ARVCF: variants seen among roughly 807,000 people sequenced by gnomAD.
ARVCF encodes the protein splicing regulator ARVCF.
In ARVCF, 66 loss-of-function variants were observed where a neutral mutation model predicts 90.9. That is an observed-to-expected ratio of 0.73 (90% CI 0.60 to 0.89). The LOEUF is 0.89. ARVCF is among the 40% of genes least tolerant of loss of function. The pLI, the probability that ARVCF is intolerant of heterozygous loss-of-function variation, is 0.00. For synonymous variants in ARVCF, 653 were observed against 603.4 expected (o/e 1.08, Z -1.21); for missense variants, 1,469 against 1,382.3 (o/e 1.06, Z -1.00).
At chr22:19,969,728 T>C (rs60537793), downstream of ARVCF, 2,470 of 642,944 alleles carry the variant, frequency 3.8e-3, 58 homozygotes, top group African/African-American at 0.044. Flanking sequence ...TGAGCCCAAG[T>C]GGACAAGTTT....
chr22:20,005,557 C>T (rs925521056), intron 2 of ARVCF, among the ~76,000 whole-genome samples: 1 of 152,166 alleles, frequency 6.6e-6, no homozygotes, highest in African/African-American at 2.4e-5. Context: ...TGGTGGCTCA[C>T]GCCTGTAATC....
At chr22:19,996,856 G>A (rs1944272221) in intron 2 of ARVCF, among the ~76,000 whole-genome samples, 1 of 152,220 alleles carries the variant, frequency 6.6e-6, no homozygotes, top group African/African-American at 2.4e-5. Flanking sequence ...GATTTCCCCA[G>A]CAGAGGCAAT....
intron 17 of ARVCF, 43 bp downstream of exon 17, chr22:19,972,315 C>A (rs555041511): frequency 6.2e-7 from 1 of 1,613,216 alleles, no homozygotes. Context: ...GGCCTTGGTC[C>A]CCTCCCGGCA....
downstream of ARVCF, chr22:19,968,451 T>C: frequency 7.4e-7 from 1 of 1,346,796 alleles, no homozygotes; most frequent in Non-Finnish European, 1.0e-6. Flanking sequence ...TGCCGTGGCC[T>C]AGTGAGGAGC....
At position 19,981,269 on chromosome 22, in the gene ARVCF, G is replaced by T. The variant is rs368570186; in HGVS notation, c.838C>A (p.Pro280Thr). 6.4e-7 allele frequency: 1 copy of T among 1,570,476 alleles called. No homozygotes were observed. The highest frequency in any genetic ancestry group is 1.2e-5 in the South Asian group (1 of 85,552). ...ADDEGGPELEPDYGTATRRRP... is the reference protein window; with the variant it reads ...ADDEGGPELETDYGTATRRRP... ...CTCCTTGTGGCCGTGCCATAGTCAG[G>T]CTCCAGCTCAGGGCCACCCTCGTCA... The change falls in exon 5 of 20, where the codon CCT (proline) becomes ACT (threonine). Residue 280 changes from proline (P) to threonine (T), a missense_variant. Transcript: ENST00000263207.
rs368802525 is a variant in ARVCF, at chr22:19,971,282, C to G, written c.2835G>C (p.Arg945Ser). The G allele has an allele frequency of 6.4e-7, 1 of 1,557,202 alleles. No homozygotes were observed. The highest frequency in any genetic ancestry group is 1.4e-5 in the African/African-American group (1 of 73,618). The change falls in exon 19 of 20, where the codon AGG (arginine) becomes AGC (serine). Residue 945 changes from arginine (R) to serine (S), a missense_variant. Transcript: ENST00000263207. Reference protein sequence around the residue: ...PPPGPSRPAVRLVDAVGDAKP... With the variant: ...PPPGPSRPAVSLVDAVGDAKP... ...TAGCGTCCCCTACGGCGTCCACCAG[C>G]CTGACCGCGGGCCTGCTGGGCCCGG...
chr22:19,985,118 C>T (rs1943696785), intron 3 of ARVCF, among the ~76,000 whole-genome samples: 1 of 152,196 alleles, frequency 6.6e-6, no homozygotes, highest in Non-Finnish European at 1.5e-5. Flanking sequence ...CAACTCTGGG[C>T]TGCTCCCCTC....
chr22:19,974,380 A>G lies in ARVCF; in HGVS notation c.1961-141T>C, dbSNP rs904485080. On this transcript the variant is annotated intron_variant, in intron 11 of 19. Coordinates refer to ENST00000263207, the MANE Select transcript of ARVCF (RefSeq NM_001670.3). ...GGTGTGGATGAGTCACGTAATATTT[A>G]CTATCAACATATAGTCACCCAAGGG... The G allele has an allele frequency of 1.9e-5, 20 of 1,031,260 alleles. No individual in the cohort carries two copies. The African/African-American group carries it at 2.8e-4, about 14-fold the overall frequency. The allele number at this position is 1,031,260 out of a possible 1,614,324, so 63.9% of individuals were successfully genotyped here.
At chr22:19,971,164 C>T in intron 19 of ARVCF, 52 bp downstream of exon 19, 6 of 1,550,878 alleles carry the variant, frequency 3.9e-6, no homozygotes, top group Non-Finnish European at 5.2e-6. Flanking sequence ...ACAAGAAGCC[C>T]TGGCCCAGAG....
At chr22:19,975,951 A>G (rs1373667976) in intron 10 of ARVCF, among the ~76,000 whole-genome samples, 194 bp from the exon 11 acceptor site, 1 of 152,108 alleles carries the variant, frequency 6.6e-6, no homozygotes, top group Non-Finnish European at 1.5e-5. Context: ...AGTTGGTGGC[A>G]GTGGGGCCTG....
At chr22:19,998,474 G>A (rs978838127) in intron 2 of ARVCF, among the ~76,000 whole-genome samples, 2 of 152,188 alleles carry the variant, frequency 1.3e-5, no homozygotes, top group African/African-American at 4.8e-5. Flanking sequence ...GCTGAGGTAG[G>A]AGAGCCTTCA....
At chr22:19,978,132 AC>A in intron 7 of ARVCF, 57 bp from the exon 8 acceptor site, 1 of 1,503,010 alleles carries the variant, frequency 6.7e-7, no homozygotes, top group Non-Finnish European at 9.0e-7. Flanking sequence ...CCCTGGCTCC[AC>A]CCTGGCCTTG....
At chr22:19,976,785 C>G (rs1239247039) in intron 9 of ARVCF, 62 bp from the exon 10 acceptor site, 5 of 1,536,950 alleles carry the variant, frequency 3.3e-6, no homozygotes, top group Non-Finnish European at 4.4e-6. Context: ...CACTCATCAC[C>G]CCCCCATGCC....
downstream of ARVCF, chr22:19,969,353 TGG>T (rs1187485894): frequency 1.3e-5 from 2 of 153,554 alleles, no homozygotes; most frequent in African/African-American, 4.8e-5. Flanking sequence ...CCAGCCCCTC[TGG>T]GCCCCATGTG....
intron 1 of ARVCF, among the ~76,000 whole-genome samples, chr22:20,011,347 C>T (rs971219289): frequency 3.9e-5 from 6 of 152,028 alleles, no homozygotes; most frequent in Non-Finnish European, 5.9e-5. Context: ...GGCTGGGCCT[C>T]GGATGGGAGG....
rs757094742 is a variant in ARVCF, at chr22:19,973,323, G to A, written c.2240-6C>T. The A allele has an allele frequency of 3.1e-6, 5 of 1,590,334 alleles. No individual in the cohort carries two copies. The highest frequency in any genetic ancestry group is 3.4e-6 in the Non-Finnish European group (4 of 1,173,750). On this transcript the variant is annotated splice_region_variant and splice_polypyrimidine_tract_variant and intron_variant, in intron 13 of 19. Coordinates refer to ENST00000263207, the MANE Select transcript of ARVCF (RefSeq NM_001670.3). ...CTCAGCCATGGCGTAGCTCCCTGAG[G>A]GGCAGGACTAGGTGTCAGAACACAC... is the stretch of plus-strand genomic sequence containing the variant.
At chr22:20,008,336 C>T (rs947681421) in intron 2 of ARVCF, among the ~76,000 whole-genome samples, 1 of 152,194 alleles carries the variant, frequency 6.6e-6, no homozygotes, top group Admixed American at 6.5e-5. Context: ...AACGGCAGGG[C>T]ATCTGTGTCC....
At position 19,971,277 on chromosome 22, in the gene ARVCF, A is replaced by G. The variant is rs1005686795; in HGVS notation, c.2840T>C (p.Val947Ala). ...AGGCTTAGCGTCCCCTACGGCGTCC[A>G]CCAGCCTGACCGCGGGCCTGCTGGG... ...PGPSRPAVRLVDAVGDAKPQP... is the reference protein window; with the variant it reads ...PGPSRPAVRLADAVGDAKPQP... Residue 947 changes from valine to alanine, a missense_variant, in exon 19 of 20, where the codon GTG becomes GCG. Coordinates refer to ENST00000263207, the MANE Select transcript of ARVCF (RefSeq NM_001670.3). 1.3e-6 allele frequency: 2 copies of G among 1,556,772 alleles called. No homozygotes were observed. Among genetic ancestry groups the G allele is most frequent in the Non-Finnish European group, 1.7e-6 (2 of 1,149,590 alleles).
chr22:19,983,424 G>T (rs1049995575), intron 3 of ARVCF, among the ~76,000 whole-genome samples: 2 of 152,226 alleles, frequency 1.3e-5, no homozygotes, highest in African/African-American at 4.8e-5. Flanking sequence ...GCCAAGGCTC[G>T]TGGGCTGGGA....
Sources: allele counts gnomAD v4.1 joint callset (sites outside exome capture counted in the v4.1 genomes callset), GRCh38; gene constraint gnomAD v4.1.1; transcripts MANE v1.5; gene names NCBI Gene and HGNC (gene_info 2026-07-23, HGNC 2026-07-21).